FZD1: variants seen among roughly 807,000 people sequenced by gnomAD.
FZD1 encodes the protein frizzled class receptor 1, also known as frizzled-1.
A neutral mutation model predicts 48.0 loss-of-function variants in FZD1; 22 were observed. The observed-to-expected ratio is 0.46, with a 90% CI of 0.33 to 0.65. The LOEUF (loss-of-function observed/expected upper bound fraction) is 0.65. FZD1 is among the 30% of genes least tolerant of loss of function. The probability of loss-of-function intolerance (pLI) is 0.02; values close to 1 mark genes in which losing one functional copy is unlikely to be tolerated. For synonymous variants in FZD1, 486 were observed against 409.6 expected, an observed-to-expected ratio of 1.19 and a Z score of -2.25; for missense variants, 843 against 898.1, an observed-to-expected ratio of 0.94 and a Z score of 0.78.
chr7:91,270,580 A>G lies in FZD1; in HGVS notation c.*3756A>G, dbSNP rs1803953476. The G allele has an allele frequency of 6.0e-6, 1 of 167,102 alleles. No individual in the cohort carries two copies. Among genetic ancestry groups the G allele is most frequent in the Non-Finnish European group, 1.5e-5 (1 of 68,134 alleles). The allele number at this position is 167,102 out of a possible 1,614,324, so 10.4% of individuals were successfully genotyped here. A position where few individuals can be genotyped will look rare whatever the true frequency, so the allele number is the denominator to read the frequency against. On this transcript the variant is annotated 3_prime_UTR_variant, in exon 1 of 1. Coordinates refer to ENST00000287934, the MANE Select transcript of FZD1 (RefSeq NM_003505.2). ...TAAGAAAAATAATAGACTACATCATAAATCATTTCAGGACTTGAGTGGCCG... is the reference window on the plus strand; with the variant it reads ...TAAGAAAAATAATAGACTACATCATGAATCATTTCAGGACTTGAGTGGCCG...
chr7:91,269,682 T>C lies in FZD1; in HGVS notation c.*2858T>C, dbSNP rs912682786. ...TAGCATTTGATTTTAAGTAGCAAGA[T>C]GCAATTTTGTGTTCCCTTTTTCTTT... On this transcript the variant is annotated 3_prime_UTR_variant, in exon 1 of 1. Coordinates refer to ENST00000287934, the MANE Select transcript of FZD1 (RefSeq NM_003505.2). 1 of 167,022 alleles carries C rather than the reference T, an allele frequency of 6.0e-6. No individual in the cohort carries two copies. Among genetic ancestry groups the C allele is most frequent in the African/African-American group, 2.4e-5 (1 of 41,472 alleles). 10.3% of individuals were successfully genotyped at this position (167,022 alleles called of 1,614,324 possible).
rs1803939498 is a variant in FZD1, at chr7:91,269,681, A to G, written c.*2857A>G. 6.0e-6 allele frequency: 1 copy of G among 167,018 alleles called. No homozygotes were observed. Among genetic ancestry groups the G allele is most frequent in the African/African-American group, 2.4e-5 (1 of 41,472 alleles). 10.3% of individuals were successfully genotyped at this position (167,018 alleles called of 1,614,324 possible). A position where few individuals can be genotyped will look rare whatever the true frequency, so the allele number is the denominator to read the frequency against. ...GTAGCATTTGATTTTAAGTAGCAAG[A>G]TGCAATTTTGTGTTCCCTTTTTCTT... On this transcript the variant is annotated 3_prime_UTR_variant, in exon 1 of 1. Transcript: ENST00000287934.
In FZD1 at chr7:91,267,175, A is replaced by G. The variant is rs1055425653; in HGVS notation, c.*351A>G. ...TTTTCTTTTTCAAAAGTTTTTAATT[A>G]TTTAGGGCGGTTTAACCATTTGAGG... On this transcript the variant is annotated 3_prime_UTR_variant, in exon 1 of 1. Transcript: ENST00000287934. 1 of 194,026 alleles carries G rather than the reference A, an allele frequency of 5.2e-6. No homozygotes were observed. The highest frequency in any genetic ancestry group is 2.4e-5 in the African/African-American group (1 of 42,232). The allele number at this position is 194,026 out of a possible 1,614,324, so 12.0% of individuals were successfully genotyped here.
chr7:91,264,931 G>T lies in FZD1; in HGVS notation c.51G>T (p.Ala17=). 7.5e-7 allele frequency: 1 copy of T among 1,341,904 alleles called. No individual in the cohort carries two copies. The highest frequency in any genetic ancestry group is 9.5e-7 in the Non-Finnish European group (1 of 1,051,426). The allele number at this position is 1,341,904 out of a possible 1,614,324, so 83.1% of individuals were successfully genotyped here. A position where few individuals can be genotyped will look rare whatever the true frequency, so the allele number is the denominator to read the frequency against. Residue 17 remains alanine (A), a synonymous_variant, in exon 1 of 1, where the codon GCG becomes GCT. Coordinates refer to ENST00000287934, the MANE Select transcript of FZD1 (RefSeq NM_003505.2). ...PKKSRAAGGG[A]SWELCAGALS... is the part of the protein sequence containing the mutation. The stretch of plus-strand genomic sequence containing the variant: ...AGTCCCGGGCCGCCGGCGGTGGCGC[G>T]AGCTGGGAACTTTGTGCCGGGGCGC...
rs779185373 is a variant in FZD1, at chr7:91,264,978, A to C, written c.98A>C (p.Glu33Ala). The stretch of plus-strand genomic sequence containing the variant: ...GCGCTCTCGGCCCGGCTGGCGGAGG[A>C]GGGCAGCGGGGACGCCGGTGGCCGC... ...AGALSARLAE[E>A]GSGDAGGRRR... Residue 33 changes from glutamate to alanine, a missense_variant, in exon 1 of 1, where the codon GAG becomes GCG. Transcript: ENST00000287934. 2.2e-6 allele frequency: 3 copies of C among 1,377,866 alleles called. No individual in the cohort carries two copies. In the African/African-American group the frequency reaches 4.6e-5, roughly 21 times the overall value. 85.4% of individuals were successfully genotyped at this position (1,377,866 alleles called of 1,614,324 possible).
In FZD1 at chr7:91,264,872, C is replaced by A; in HGVS notation, c.-9C>A. 7.8e-7 allele frequency: 1 copy of A among 1,289,746 alleles called. No homozygotes were observed. The highest frequency in any genetic ancestry group is 3.1e-5 in the East Asian group (1 of 32,050). The allele number at this position is 1,289,746 out of a possible 1,614,324, so 79.9% of individuals were successfully genotyped here. A position where few individuals can be genotyped will look rare whatever the true frequency, so the allele number is the denominator to read the frequency against. On this transcript the variant is annotated 5_prime_UTR_variant, in exon 1 of 1. Transcript: ENST00000287934. ...AGCGGAGCGGCGCCAAGAGAGGAGCCGAGAAAGTATGGCTGAGGAGGAGGC... is the reference window on the plus strand; with the variant it reads ...AGCGGAGCGGCGCCAAGAGAGGAGCAGAGAAAGTATGGCTGAGGAGGAGGC...
In FZD1 at chr7:91,266,040, A is replaced by G; in HGVS notation, c.1160A>G (p.Glu387Gly). The change falls in exon 1 of 1, where the codon GAG (glutamate) becomes GGG (glycine). Residue 387 changes from glutamate to glycine, a missense_variant. Physicochemically the swap from Glu to Gly is moderately conservative, Grantham distance 98. Coordinates refer to ENST00000287934, the MANE Select transcript of FZD1 (RefSeq NM_003505.2). This position sits in a 1 kb window ranked among gnomAD's most constrained non-coding sequence, Gnocchi z 6.8. ...GTGGTGTGTAATGACAAGTTCGCCG[A>G]GGACGGGGCACGCACTGTGGCGCAG... is the stretch of plus-strand genomic sequence containing the variant. ...DRVVCNDKFA[E>G]DGARTVAQGT... The G allele has an allele frequency of 6.2e-7, 1 of 1,614,180 alleles. No homozygotes were observed. The highest frequency in any genetic ancestry group is 8.5e-7 in the Non-Finnish European group (1 of 1,180,032).
Position 91,265,134 on chromosome 7 carries a change from C to T in FZD1, c.254C>T (p.Pro85Leu), listed in dbSNP as rs1014656110. The T allele has an allele frequency of 3.2e-6, 5 of 1,547,938 alleles. No homozygotes were observed. Among genetic ancestry groups the T allele is most frequent in the Admixed American group, 1.9e-5 (1 of 52,740 alleles). The change falls in exon 1 of 1, where the codon CCG becomes CTG. Residue 85 changes from proline (P) to leucine (L), a missense_variant. By Grantham distance (98) the Pro-to-Leu change is moderately conservative. Around this residue, in one of 2 missense-constraint regions of FZD1, gnomAD observed 490 missense variants for 466.5 expected, o/e 1.05. Transcript: ENST00000287934. This position sits in a 1 kb window ranked among gnomAD's most constrained non-coding sequence, Gnocchi z 6.9. ...AGQGPGQGPG[P>L]GQQPPPPPQQ... is the part of the protein sequence containing the mutation. ...CAGGGGCCAGGCCAGGGGCCCGGGC[C>T]GGGGCAGCAACCGCCGCCGCCGCCT...
chr7:91,264,654 C>T lies in FZD1; in HGVS notation c.-227C>T. 2.6e-6 allele frequency: 1 copy of T among 389,472 alleles called. No homozygotes were observed. The highest frequency in any genetic ancestry group is 4.5e-6 in the Non-Finnish European group (1 of 221,246). The allele number at this position is 389,472 out of a possible 1,614,324, so 24.1% of individuals were successfully genotyped here. A position where few individuals can be genotyped will look rare whatever the true frequency, so the allele number is the denominator to read the frequency against. On this transcript the variant is annotated 5_prime_UTR_variant, in exon 1 of 1. Transcript: ENST00000287934. ...GAAGGCGGGACACGACCCCGGCGCG[C>T]CCTAGCCACCCGGGTTCTCCCCGCC...
chr7:91,265,852 C>T lies in FZD1; in HGVS notation c.972C>T (p.Gly324=), dbSNP rs371672850. Reference sequence around the variant, plus strand: ...TGCGCTTCTCGCGCACCTGGATTGGCATTTGGTCAGTGCTGTGCTGCGCCT... The same window carrying T: ...TGCGCTTCTCGCGCACCTGGATTGGTATTTGGTCAGTGCTGTGCTGCGCCT... ...EELRFSRTWI[G]IWSVLCCAST... is the part of the protein sequence containing the mutation. Residue 324 remains glycine (G), a synonymous_variant, in exon 1 of 1, where the codon GGC becomes GGT. Transcript: ENST00000287934. The surrounding 1 kb of genome is among the most constrained non-coding windows in gnomAD (Gnocchi z 6.9). 4.3e-6 allele frequency: 7 copies of T among 1,613,816 alleles called. No individual in the cohort carries two copies. The highest frequency in any genetic ancestry group is 5.9e-6 in the Non-Finnish European group (7 of 1,179,800).
rs1192052926 is a variant in FZD1, at chr7:91,266,533, C to T, written c.1653C>T (p.Val551=). The part of the protein sequence containing the change: ...SVLYTVPATI[V]IACYFYEQAF... ...TGTACACTGTGCCAGCCACCATCGT[C>T]ATCGCCTGCTACTTCTACGAGCAGG... Residue 551 remains valine (V), a synonymous_variant, in exon 1 of 1, where the codon GTC becomes GTT. Coordinates refer to ENST00000287934, the MANE Select transcript of FZD1 (RefSeq NM_003505.2). The surrounding 1 kb of genome is among the most constrained non-coding windows in gnomAD (Gnocchi z 6.8). The T allele has an allele frequency of 6.2e-7, 1 of 1,614,064 alleles. No homozygotes were observed. The highest frequency in any genetic ancestry group is 1.1e-5 in the South Asian group (1 of 91,088).
rs749053362 is a variant in FZD1, at chr7:91,266,336, G to A, written c.1456G>A (p.Ala486Thr). The change falls in exon 1 of 1, where the codon GCG becomes ACG. Residue 486 changes from alanine to threonine, a missense_variant. Physicochemically the swap from Ala to Thr is moderately conservative, Grantham distance 58 (BLOSUM62 0). Around this residue, in one of 2 missense-constraint regions of FZD1, gnomAD observed 353 missense variants for 431.6 expected, o/e 0.82. Coordinates refer to ENST00000287934, the MANE Select transcript of FZD1 (RefSeq NM_003505.2). This position sits in a 1 kb window ranked among gnomAD's most constrained non-coding sequence, Gnocchi z 6.8. Reference protein sequence around the residue: ...VCFVGLNNVDALRGFVLAPLF... With the variant: ...VCFVGLNNVDTLRGFVLAPLF... The stretch of plus-strand genomic sequence containing the variant: ...CTTCGTGGGGCTTAACAACGTGGAC[G>A]CGCTGCGTGGCTTCGTGCTGGCGCC... 1 of 1,614,120 alleles carries A rather than the reference G, an allele frequency of 6.2e-7. No individual in the cohort carries two copies. The highest frequency in any genetic ancestry group is 8.5e-7 in the Non-Finnish European group (1 of 1,180,018).
Position 91,265,449 on chromosome 7 carries a change from T to A in FZD1, c.569T>A (p.Leu190Gln), listed in dbSNP as rs1274652473. The change falls in exon 1 of 1, where the codon CTG (leucine) becomes CAG (glutamine). Residue 190 changes from leucine (L) to glutamine (Q), a missense_variant. This residue lies in a region of FZD1 where 490 missense variants were observed against 466.5 expected (regional missense o/e 1.05). Transcript: ENST00000287934. The surrounding 1 kb of genome is among the most constrained non-coding windows in gnomAD (Gnocchi z 6.9). Reference protein sequence around the residue: ...LEQALPPCRSLCERARQGCEA... With the variant: ...LEQALPPCRSQCERARQGCEA... ...CAGGCGCTGCCGCCCTGCCGCTCCCTGTGCGAGCGCGCGCGCCAGGGCTGC... is the reference window on the plus strand; with the variant it reads ...CAGGCGCTGCCGCCCTGCCGCTCCCAGTGCGAGCGCGCGCGCCAGGGCTGC... 6.2e-7 allele frequency: 1 copy of A among 1,613,282 alleles called. No homozygotes were observed. The highest frequency in any genetic ancestry group is 8.5e-7 in the Non-Finnish European group (1 of 1,179,710).
In FZD1 at chr7:91,269,480, C is replaced by T. The variant is rs1011462279; in HGVS notation, c.*2656C>T. ...AGATGGAAAACCTCAAATACCTTTACAGGTTAAAAATATCTTTACTAAATT... is the reference window on the plus strand; with the variant it reads ...AGATGGAAAACCTCAAATACCTTTATAGGTTAAAAATATCTTTACTAAATT... On this transcript the variant is annotated 3_prime_UTR_variant, in exon 1 of 1. Coordinates refer to ENST00000287934, the MANE Select transcript of FZD1 (RefSeq NM_003505.2). 1 of 166,892 alleles carries T rather than the reference C, an allele frequency of 6.0e-6. No individual in the cohort carries two copies. The highest frequency in any genetic ancestry group is 1.5e-5 in the Non-Finnish European group (1 of 68,060). The allele number at this position is 166,892 out of a possible 1,614,324, so 10.3% of individuals were successfully genotyped here. A position where few individuals can be genotyped will look rare whatever the true frequency, so the allele number is the denominator to read the frequency against.
In FZD1 at chr7:91,266,650, C is replaced by A. The variant is rs936431030; in HGVS notation, c.1770C>A (p.Ala590=). 4 of 1,612,800 alleles carry A rather than the reference C, an allele frequency of 2.5e-6. No homozygotes were observed. The highest frequency in any genetic ancestry group is 8.5e-7 in the Non-Finnish European group (1 of 1,179,774). The change falls in exon 1 of 1, where the codon GCC becomes GCA. Residue 590 remains alanine, a synonymous_variant. Coordinates refer to ENST00000287934, the MANE Select transcript of FZD1 (RefSeq NM_003505.2). The surrounding 1 kb of genome is among the most constrained non-coding windows in gnomAD (Gnocchi z 6.8). ...PCPHLQAGGG[A]PPHPPMSPDF... ...CTCACCTCCAGGCGGGCGGAGGCGC[C>A]CCGCCGCACCCGCCCATGAGCCCGG...
rs1563009490 is a variant in FZD1, at chr7:91,270,707, A to G, written c.*3883A>G. ...TTGCTTTCTAATCCATCTATTGACT[A>G]TTGGCCACAATTTATATAATGCACA... On this transcript the variant is annotated 3_prime_UTR_variant, in exon 1 of 1. Transcript: ENST00000287934. 1 of 165,838 alleles carries G rather than the reference A, an allele frequency of 6.0e-6. No homozygotes were observed. Among genetic ancestry groups the G allele is most frequent in the Non-Finnish European group, 1.5e-5 (1 of 68,096 alleles). 10.3% of individuals were successfully genotyped at this position (165,838 alleles called of 1,614,324 possible).
chr7:91,265,385 C>T lies in FZD1; in HGVS notation c.505C>T (p.Leu169=). The part of the protein sequence containing the change: ...VQCSAELKFF[L]CSMYAPVCTV... ...GTGTTCCGCTGAGCTCAAGTTCTTC[C>T]TGTGCTCCATGTACGCGCCCGTGTG... Residue 169 remains leucine, a synonymous_variant, in exon 1 of 1, where the codon CTG becomes TTG. Transcript: ENST00000287934. The surrounding 1 kb of genome is among the most constrained non-coding windows in gnomAD (Gnocchi z 6.9). The T allele has an allele frequency of 6.2e-7, 1 of 1,613,962 alleles. No individual in the cohort carries two copies. The highest frequency in any genetic ancestry group is 1.1e-5 in the South Asian group (1 of 91,084).
Position 91,264,626 on chromosome 7 carries a change from C to T in FZD1, c.-255C>T, listed in dbSNP as rs1336808441. 2.1e-5 allele frequency: 8 copies of T among 383,302 alleles called. No homozygotes were observed. The highest frequency in any genetic ancestry group is 1.7e-4 in the African/African-American group (8 of 48,026). The allele number at this position is 383,302 out of a possible 1,614,324, so 23.7% of individuals were successfully genotyped here. A position where few individuals can be genotyped will look rare whatever the true frequency, so the allele number is the denominator to read the frequency against. ...AGCCGGGAGCCAGCGAGCCGAGGGCCAGGAAGGCGGGACACGACCCCGGCG... is the reference window on the plus strand; with the variant it reads ...AGCCGGGAGCCAGCGAGCCGAGGGCTAGGAAGGCGGGACACGACCCCGGCG... On this transcript the variant is annotated 5_prime_UTR_variant, in exon 1 of 1. Transcript: ENST00000287934.
chr7:91,264,991 C>A lies in FZD1; in HGVS notation c.111C>A (p.Asp37Glu). The change falls in exon 1 of 1, where the codon GAC (aspartate) becomes GAA (glutamate). Residue 37 changes from aspartate (D) to glutamate (E), a missense_variant. Coordinates refer to ENST00000287934, the MANE Select transcript of FZD1 (RefSeq NM_003505.2). Reference sequence around the variant, plus strand: ...GGCTGGCGGAGGAGGGCAGCGGGGACGCCGGTGGCCGCCGCCGCCCGCCAG... The same window carrying A: ...GGCTGGCGGAGGAGGGCAGCGGGGAAGCCGGTGGCCGCCGCCGCCCGCCAG... ...SARLAEEGSG[D>E]AGGRRRPPVD... is the part of the protein sequence containing the mutation. 3.6e-6 allele frequency: 5 copies of A among 1,394,910 alleles called. No individual in the cohort carries two copies. Among genetic ancestry groups the A allele is most frequent in the Admixed American group, 2.9e-5 (1 of 34,660 alleles). The allele number at this position is 1,394,910 out of a possible 1,614,324, so 86.4% of individuals were successfully genotyped here. A position where few individuals can be genotyped will look rare whatever the true frequency, so the allele number is the denominator to read the frequency against.
Sources: gnomAD v4.1 joint callset for allele counts on GRCh38, gnomAD v4.1.1 for gene constraint, gnomAD v4.1.1 regional missense constraint, Gnocchi (gnomAD v3.1) non-coding constraint, MANE v1.5 for transcripts, NCBI Gene and HGNC (gene_info 2026-07-23, HGNC 2026-07-21) for gene names.